The following ATP2C2 variants were observed in gnomAD, a reference collection of about 807,000 sequenced individuals.
The protein encoded by ATP2C2 is ATPase secretory pathway Ca2+ transporting 2, also known as calcium-transporting ATPase type 2C member 2.
Under a neutral mutation model 110.8 loss-of-function variants are expected in ATP2C2, and 171 were observed. The observed-to-expected ratio is 1.54, with a 90% CI of 1.36 to 1.75. The LOEUF (loss-of-function observed/expected upper bound fraction) is 1.75, where lower values mean the gene tolerates loss of function less well. ATP2C2 is among the 40% of genes most tolerant of loss of function. The pLI is 0.00. For missense variants in ATP2C2, 1,963 were observed against 1,235.0 expected, an observed-to-expected ratio of 1.59 and a Z score of -8.84; for synonymous variants, 804 against 508.4, an observed-to-expected ratio of 1.58 and a Z score of -7.82.
At chr16:84,434,852 T>G (rs926713500) in intron 11 of ATP2C2, among the ~76,000 whole-genome samples, 1 of 152,180 alleles carries the variant, frequency 6.6e-6, no homozygotes, top group Non-Finnish European at 1.5e-5. Flanking sequence ...GATTAATTCT[T>G]TATTATTATG....
Position 84,398,487 on chromosome 16 carries a change from C to G in ATP2C2, c.100-12C>G, listed in dbSNP as rs1265346099. On this transcript the variant is annotated splice_polypyrimidine_tract_variant and intron_variant, in intron 1 of 26. Coordinates refer to ENST00000262429, the MANE Select transcript of ATP2C2 (RefSeq NM_014861.4). ...TTCAATCCGCTAAACAGCAACCCTG[C>G]TCTTTTCACAGATTGATGAACAGAG... The G allele has an allele frequency of 1.9e-6, 3 of 1,579,530 alleles. No homozygotes were observed. Among genetic ancestry groups the G allele is most frequent in the African/African-American group, 2.7e-5 (2 of 72,884 alleles).
intron 3 of ATP2C2, among the ~76,000 whole-genome samples, chr16:84,405,753 C>G (rs905383540): frequency 6.6e-5 from 10 of 152,160 alleles, no homozygotes; most frequent in African/African-American, 2.2e-4. Context: ...AACCCCGTCT[C>G]TTCTAAAAAT....
chr16:84,404,517 C>T (rs749273765), intron 2 of ATP2C2: 2 of 179,468 alleles, frequency 1.1e-5, no homozygotes, highest in South Asian at 1.2e-4. Context: ...TGTTGTAGCA[C>T]GTGTCAGCAT....
Position 84,462,069 on chromosome 16 carries a change from G to C in ATP2C2, c.2662G>C (p.Ala888Pro), listed in dbSNP as rs759665836. 6.2e-7 allele frequency: 1 copy of C among 1,614,072 alleles called. No homozygotes were observed. The highest frequency in any genetic ancestry group is 1.1e-5 in the South Asian group (1 of 91,082). Residue 888 changes from alanine (A) to proline (P), a missense_variant, in exon 26 of 27, where the codon GCG (alanine) becomes CCG (proline). By Grantham distance (27) the Ala-to-Pro change is conservative. Coordinates refer to ENST00000262429, the MANE Select transcript of ATP2C2 (RefSeq NM_014861.4). ...CCTGGGGTCCATCCTGGGGCAGCTG[G>C]CGGTCATTTACATCCCCCCGCTGCA... ...SVLGSILGQL[A>P]VIYIPPLQRV...
At chr16:84,418,052 C>A (rs1906991779) in intron 7 of ATP2C2, among the ~76,000 whole-genome samples, 1 of 152,182 alleles carries the variant, frequency 6.6e-6, no homozygotes, top group Admixed American at 6.5e-5. Flanking sequence ...ACAGAGGAAG[C>A]CCTCAGTCAG....
At chr16:84,393,719 G>A (rs1328900757) in intron 1 of ATP2C2, among the ~76,000 whole-genome samples, 2 of 150,588 alleles carry the variant, frequency 1.3e-5, no homozygotes, top group African/African-American at 4.9e-5. Context: ...AGGATGGGAG[G>A]CCAGTGGATG....
chr16:84,459,088 C>T (rs761792402), intron 21 of ATP2C2, 32 bp from the exon 22 acceptor site: 10 of 1,613,196 alleles, frequency 6.2e-6, no homozygotes, highest in Middle Eastern at 1.7e-4. Flanking sequence ...CGCAGGCCCG[C>T]TCCGTGAGTA....
chr16:84,445,811 C>T (rs926148821), intron 15 of ATP2C2, among the ~76,000 whole-genome samples: 1 of 152,188 alleles, frequency 6.6e-6, no homozygotes, highest in Non-Finnish European at 1.5e-5. Flanking sequence ...CGCATTTTCA[C>T]CCCCTGTGGG....
intron 15 of ATP2C2, among the ~76,000 whole-genome samples, chr16:84,445,836 G>C (rs570730604): frequency 6.6e-6 from 1 of 152,218 alleles, no homozygotes; most frequent in Non-Finnish European, 1.5e-5. Context: ...TGGGATGCAT[G>C]GGTCATGACT....
intron 14 of ATP2C2, among the ~76,000 whole-genome samples, chr16:84,442,214 C>G (rs1297544975): frequency 6.6e-6 from 1 of 152,062 alleles, no homozygotes; most frequent in Non-Finnish European, 1.5e-5. Context: ...ACTTTGTCAC[C>G]CCAAGTGGAA....
At chr16:84,409,054 C>A (rs1906038921) in intron 4 of ATP2C2, among the ~76,000 whole-genome samples, 1 of 152,140 alleles carries the variant, frequency 6.6e-6, no homozygotes, top group Non-Finnish European at 1.5e-5. Flanking sequence ...CAGCCCTTGG[C>A]AACCACCAAT....
chr16:84,438,901 A>C, intron 11 of ATP2C2: 1 of 349,096 alleles, frequency 2.9e-6, no homozygotes. Context: ...AAGAGGCAAA[A>C]CAGCTGACAG....
rs1379678775 is a variant in ATP2C2, at chr16:84,410,024, T to C, written c.418-544T>C. Reference sequence around the variant, plus strand: ...GAGATCGAGACCATCCTGGCCCACATGGTGAAAGCCCGTCTCTACAAAAAA... The same window carrying C: ...GAGATCGAGACCATCCTGGCCCACACGGTGAAAGCCCGTCTCTACAAAAAA... On this transcript the variant is annotated intron_variant, in intron 4 of 26. Coordinates refer to ENST00000262429, the MANE Select transcript of ATP2C2 (RefSeq NM_014861.4). Among the ~76,000 whole-genome samples the C allele has an allele frequency of 2.6e-5, 4 of 151,890 alleles. No individual in the cohort carries two copies. The East Asian group carries it at 7.8e-4, about 29-fold the overall frequency.
At chr16:84,381,556 G>A (rs1363645244) in intron 1 of ATP2C2, among the ~76,000 whole-genome samples, 1 of 151,944 alleles carries the variant, frequency 6.6e-6, no homozygotes, top group Admixed American at 6.6e-5. Context: ...CAGCCTGGAC[G>A]ACAGAGCAAG....
chr16:84,419,737 T>G (rs1907161436), intron 7 of ATP2C2, among the ~76,000 whole-genome samples: 1 of 152,148 alleles, frequency 6.6e-6, no homozygotes, highest in Non-Finnish European at 1.5e-5. Flanking sequence ...GGCCCTGGGC[T>G]GGGTACCGAG....
intron 2 of ATP2C2, among the ~76,000 whole-genome samples, chr16:84,403,212 A>G (rs1905456115): frequency 6.6e-6 from 1 of 151,668 alleles, no homozygotes; most frequent in African/African-American, 2.4e-5. Context: ...AGTTTTGTTT[A>G]CCTTTAAAAA....
chr16:84,462,346 A>G (rs1379760003), intron 26 of ATP2C2: 13 of 593,018 alleles, frequency 2.2e-5, no homozygotes, highest in Non-Finnish European at 3.4e-5. Flanking sequence ...GAGGCCTGTC[A>G]CTCAAGAGTA....
chr16:84,443,666 T>C (rs146993555), intron 15 of ATP2C2, among the ~76,000 whole-genome samples: 2 of 152,262 alleles, frequency 1.3e-5, no homozygotes, highest in Non-Finnish European at 2.9e-5. Context: ...TTCACTGCCT[T>C]GTATTTTCAG....
chr16:84,460,854 C>A (rs143696437), intron 24 of ATP2C2, 53 bp downstream of exon 24: 45 of 1,553,816 alleles, frequency 2.9e-5, no homozygotes, highest in Middle Eastern at 3.5e-4. Context: ...GGTGCAGACG[C>A]TGGGGACTGC....
Sources: allele counts gnomAD v4.1 joint callset (sites outside exome capture counted in the v4.1 genomes callset), GRCh38; gene constraint gnomAD v4.1.1; transcripts MANE v1.5; gene names NCBI Gene and HGNC (gene_info 2026-07-23, HGNC 2026-07-21).